The following WWOX variants were observed in gnomAD, a reference collection of about 807,000 sequenced individuals.
The protein encoded by WWOX is WW domain containing oxidoreductase.
Under a neutral mutation model 46.2 loss-of-function variants are expected in WWOX, and 69 were observed. That is an observed-to-expected ratio of 1.49 (90% CI 1.23 to 1.82). WWOX has a LOEUF of 1.82. WWOX is among the 40% of genes most tolerant of loss of function. The probability of loss-of-function intolerance (pLI) is 0.00; values close to 1 mark genes in which losing one functional copy is unlikely to be tolerated. For missense variants in WWOX, 919 were observed against 542.6 expected, an observed-to-expected ratio of 1.69 and a Z score of -6.89; for synonymous variants, 359 against 202.6, an observed-to-expected ratio of 1.77 and a Z score of -6.56.
chr16:79,203,114 C>A (rs924826485), intron 8 of WWOX: 1 of 152,176 alleles, frequency 6.6e-6, no homozygotes. Flanking sequence ...ACTAGCAACA[C>A]GCTGCTGGTG....
chr16:78,965,543 C>G (rs1237667733), intron 8 of WWOX, among the ~76,000 whole-genome samples: 2 of 150,964 alleles, frequency 1.3e-5, no homozygotes, highest in African/African-American at 4.9e-5. Context: ...GCACTCCAGC[C>G]TGGGTAACGA....
intron 8 of WWOX, chr16:79,196,523 C>A (rs561544981): frequency 6.6e-6 from 1 of 152,176 alleles, no homozygotes; most frequent in Non-Finnish European, 1.5e-5. Flanking sequence ...TGAGTCTATT[C>A]GGACCCAACT....
intron 1 of WWOX, among the ~76,000 whole-genome samples, chr16:78,101,590 G>A (rs1220320278): frequency 2.0e-5 from 3 of 152,064 alleles, no homozygotes; most frequent in Non-Finnish European, 4.4e-5. Context: ...CAAAGTGTTG[G>A]CATTACAGAC....
At chr16:78,151,312 C>T (rs1294679358) in intron 4 of WWOX, among the ~76,000 whole-genome samples, 1 of 152,162 alleles carries the variant, frequency 6.6e-6, no homozygotes, top group Non-Finnish European at 1.5e-5. Flanking sequence ...TGGTGGGGTA[C>T]ACCTGCTTGA....
intron 8 of WWOX, among the ~76,000 whole-genome samples, chr16:78,454,401 A>T (rs1227624140): frequency 3.3e-5 from 5 of 151,476 alleles, no homozygotes; most frequent in African/African-American, 1.2e-4. Flanking sequence ...ATGTGTGTGT[A>T]TTTGTCTGAA....
intron 4 of WWOX, among the ~76,000 whole-genome samples, chr16:78,122,066 T>C (rs1416729450): frequency 6.6e-6 from 1 of 152,212 alleles, no homozygotes; most frequent in Non-Finnish European, 1.5e-5. Flanking sequence ...ATAACTTTTA[T>C]ACAGTACATT....
At chr16:79,009,318 G>T (rs1439301383) in intron 8 of WWOX, among the ~76,000 whole-genome samples, 5 of 152,170 alleles carry the variant, frequency 3.3e-5, no homozygotes, top group Admixed American at 2.6e-4. Flanking sequence ...AATCTTTGTG[G>T]CTGGGGCTGC....
intron 8 of WWOX, among the ~76,000 whole-genome samples, chr16:79,138,783 T>G (rs2050032093): frequency 6.6e-6 from 1 of 152,178 alleles, no homozygotes; most frequent in African/African-American, 2.4e-5. Flanking sequence ...CATTTCTCTT[T>G]GCAGTCACAG....
At chr16:78,542,843 C>G (rs112881698) in intron 8 of WWOX, among the ~76,000 whole-genome samples, 2 of 152,130 alleles carry the variant, frequency 1.3e-5, no homozygotes, top group Non-Finnish European at 2.9e-5. Context: ...AGATGGGATT[C>G]TCAGTTAAAA....
chr16:78,361,920 G>A lies in WWOX; in HGVS notation c.517-24940G>A, dbSNP rs531153997. 7.0e-4 allele frequency among the ~76,000 whole-genome samples: 103 copies of A among 147,482 alleles called. 2 individuals carry two copies. The South Asian group carries it at 0.016, about 23-fold the overall frequency. On this transcript the variant is annotated intron_variant, in intron 5 of 8. Transcript: ENST00000566780. ...AGCTACAGCGCCTGGCCCCTCCCCC[G>A]TTTATTTCTGATTCAATTACTTTAT...
At chr16:78,494,775 A>G (rs1294932653) in intron 8 of WWOX, among the ~76,000 whole-genome samples, 2 of 152,092 alleles carry the variant, frequency 1.3e-5, no homozygotes. Context: ...TCCTCCCCCC[A>G]TCTTTATGGT....
At chr16:78,397,372 A>C (rs2082311287) in intron 6 of WWOX, among the ~76,000 whole-genome samples, 1 of 152,208 alleles carries the variant, frequency 6.6e-6, no homozygotes, top group African/African-American at 2.4e-5. Context: ...TTTTATCCTT[A>C]TAATGACTCT....
At chr16:78,352,295 G>C (rs1384762215) in intron 5 of WWOX, among the ~76,000 whole-genome samples, 1 of 152,082 alleles carries the variant, frequency 6.6e-6, no homozygotes, top group Non-Finnish European at 1.5e-5. Flanking sequence ...CTCAATGTTA[G>C]TGACTTAGAA....
chr16:78,875,174 T>C (rs557820228), intron 8 of WWOX, among the ~76,000 whole-genome samples: 47 of 152,162 alleles, frequency 3.1e-4, no homozygotes, highest in African/African-American at 1.1e-3. Flanking sequence ...CAAGATTGCA[T>C]GAGATTAAGC....
At chr16:78,172,826 AGTTT>A (rs2035207076) in intron 5 of WWOX, among the ~76,000 whole-genome samples, 1 of 152,166 alleles carries the variant, frequency 6.6e-6, no homozygotes, top group South Asian at 2.1e-4. Context: ...ATTTTGACAT[AGTTT>A]GAAGAGACGG....
At chr16:78,114,294 C>G (rs1383397649) in intron 3 of WWOX, among the ~76,000 whole-genome samples, 1 of 152,082 alleles carries the variant, frequency 6.6e-6, no homozygotes, top group Non-Finnish European at 1.5e-5. Flanking sequence ...GAGATGAGGT[C>G]TAACTATGTT....
At chr16:78,733,526 T>G (rs2049013587) in intron 8 of WWOX, among the ~76,000 whole-genome samples, 1 of 150,134 alleles carries the variant, frequency 6.7e-6, no homozygotes, top group Non-Finnish European at 1.5e-5. Context: ...GGTGGGCGGA[T>G]CACGAGGTCA....
At chr16:79,172,567 G>C (rs118168378) in intron 8 of WWOX, among the ~76,000 whole-genome samples, 1 of 152,126 alleles carries the variant, frequency 6.6e-6, no homozygotes, top group South Asian at 2.1e-4. Flanking sequence ...TCTACTCTGG[G>C]AAAGAACCTG....
chr16:78,630,085 A>G (rs1357941571), intron 8 of WWOX, among the ~76,000 whole-genome samples: 3 of 152,154 alleles, frequency 2.0e-5, no homozygotes, highest in Non-Finnish European at 2.9e-5. Context: ...AGTCTATTTC[A>G]TTGAAAATCT....
Sources: allele counts gnomAD v4.1 joint callset (sites outside exome capture counted in the v4.1 genomes callset), GRCh38; gene constraint gnomAD v4.1.1; transcripts MANE v1.5; gene names NCBI Gene and HGNC (gene_info 2026-07-23, HGNC 2026-07-21).